The following CDH1 variants were observed in gnomAD, a reference collection of about 807,000 sequenced individuals.
CDH1 encodes cadherin-1.
Under a neutral mutation model 84.5 loss-of-function variants are expected in CDH1, and 35 were observed. That is an observed-to-expected ratio of 0.41 (90% CI 0.32 to 0.55). CDH1 has a LOEUF of 0.55. CDH1 is among the 20% of genes least tolerant of loss of function. The pLI is 0.19. For synonymous variants in CDH1, 417 were observed against 439.0 expected (o/e 0.95, Z 0.63); for missense variants, 994 against 1,126.6 (o/e 0.88, Z 1.68).
intron 2 of CDH1, among the ~76,000 whole-genome samples, chr16:68,752,703 A>G (rs1389399353): frequency 6.6e-6 from 1 of 152,038 alleles, no homozygotes; most frequent in Non-Finnish European, 1.5e-5. Flanking sequence ...TGAGCTCTGC[A>G]CACCCCTGAT....
At chr16:68,771,886 A>G (rs1959589849) in intron 2 of CDH1, among the ~76,000 whole-genome samples, 1 of 151,990 alleles carries the variant, frequency 6.6e-6, no homozygotes, top group African/African-American at 2.4e-5. Context: ...TAGCCCATTG[A>G]GCTTTTATTC....
chr16:68,823,243 A>C, intron 12 of CDH1, 156 bp from the exon 13 acceptor site: 4 of 608,456 alleles, frequency 6.6e-6, no homozygotes, highest in Non-Finnish European at 1.1e-5. Context: ...ACAGCAAAAA[A>C]AAAAAAAAAA....
At chr16:68,742,310 C>T (rs1447817316) in intron 2 of CDH1, among the ~76,000 whole-genome samples, 1 of 149,852 alleles carries the variant, frequency 6.7e-6, no homozygotes. Context: ...GACGGAGTCT[C>T]GCTCTGTTGC....
chr16:68,785,278 G>T (rs1335176284), intron 2 of CDH1, among the ~76,000 whole-genome samples: 1 of 151,928 alleles, frequency 6.6e-6, no homozygotes, highest in Non-Finnish European at 1.5e-5. Context: ...TGCAACCTCT[G>T]CCTCCCAGAA....
chr16:68,824,090 C>T lies in CDH1; in HGVS notation c.2164+464C>T, dbSNP rs550109993. ...TCAGCTCACTGCACCCTCTGCTTAA[C>T]AGGTTCAAGCGATTCTCCCGCCTCA... On this transcript the variant is annotated intron_variant, in intron 13 of 15. Coordinates refer to ENST00000261769, the MANE Select transcript of CDH1 (RefSeq NM_004360.5). Among the ~76,000 whole-genome samples the T allele has an allele frequency of 2.8e-5, 4 of 145,326 alleles. No individual in the cohort carries two copies. In the South Asian group the frequency reaches 8.8e-4, roughly 32 times the overall value.
rs1377469978 is a variant in CDH1 at position 68,833,733 on chromosome 16, T to C, written c.*234T>C. ...CTTTTTTTTTTTTCCCATCACTCTT[T>C]ACATGGTGGTGATGTCCAAAAGATA... On this transcript the variant is annotated 3_prime_UTR_variant, in exon 16 of 16. Coordinates refer to ENST00000261769, the MANE Select transcript of CDH1 (RefSeq NM_004360.5). 1 of 541,152 alleles carries C rather than the reference T, an allele frequency of 1.8e-6. No individual in the cohort carries two copies. The allele number at this position is 541,152 out of a possible 1,614,324, so 33.5% of individuals were successfully genotyped here. A position where few individuals can be genotyped will look rare whatever the true frequency, so the allele number is the denominator to read the frequency against.
rs758733846 is a variant in CDH1, at chr16:68,801,856, A to T, written c.350A>T (p.Asn117Ile). The T allele has an allele frequency of 6.2e-7, 1 of 1,614,182 alleles. No individual in the cohort carries two copies. Reference sequence around the variant, plus strand: ...AAGTTTTCCACCAAAGTCACGCTGAATACAGTGGGGCACCACCACCGCCCC... The same window carrying T: ...AAGTTTTCCACCAAAGTCACGCTGATTACAGTGGGGCACCACCACCGCCCC... ...YRKFSTKVTLNTVGHHHRPPP... is the reference protein window; with the variant it reads ...YRKFSTKVTLITVGHHHRPPP... The change falls in exon 3 of 16, where the codon AAT (asparagine) becomes ATT (isoleucine). Residue 117 changes from asparagine to isoleucine, a missense_variant. Physicochemically the swap from Asn to Ile is moderately radical, Grantham distance 149 (BLOSUM62 -3). Around this residue, in one of 3 missense-constraint regions of CDH1, gnomAD observed 203 missense variants for 194.0 expected, o/e 1.05. Coordinates refer to ENST00000261769, the MANE Select transcript of CDH1 (RefSeq NM_004360.5).
At chr16:68,815,404 T>G in intron 9 of CDH1, 111 bp from the exon 10 acceptor site, 2 of 1,420,440 alleles carry the variant, frequency 1.4e-6, no homozygotes, top group Non-Finnish European at 1.9e-6. Flanking sequence ...CCACAGTTAC[T>G]TTTGCACCAA....
chr16:68,750,150 C>CTTTTTTT lies in CDH1; in HGVS notation c.163+11743_163+11749dup, dbSNP rs34551002. ...TTTTGATTGTGATGCTAGAATTCAG[C>CTTTTTTT]TTTTTTTTTTGCCTTTGGAAGGCCT... On this transcript the variant is annotated intron_variant, in intron 2 of 15. Transcript: ENST00000261769. 2.5e-5 allele frequency among the ~76,000 whole-genome samples: 2 copies of CTTTTTTT among 79,096 alleles called. 1 individual carries two copies. Among genetic ancestry groups the CTTTTTTT allele is most frequent in the Non-Finnish European group, 5.2e-5 (2 of 38,558 alleles). The allele number at this position is 79,096 out of a possible 152,430, so 51.9% of individuals were successfully genotyped here. A position where few individuals can be genotyped will look rare whatever the true frequency, so the allele number is the denominator to read the frequency against.
intron 11 of CDH1, 69 bp downstream of exon 11, chr16:68,819,494 T>C: frequency 1.4e-6 from 2 of 1,445,854 alleles, no homozygotes; most frequent in Non-Finnish European, 1.9e-6. Context: ...GCCCCTCCCT[T>C]CTTTTGGAGG....
At chr16:68,756,732 C>T (rs560500085) in intron 2 of CDH1, among the ~76,000 whole-genome samples, 4 of 152,238 alleles carry the variant, frequency 2.6e-5, no homozygotes, top group Admixed American at 2.0e-4. Context: ...AGGCCGGGTG[C>T]GGTAGCTCAT....
intron 2 of CDH1, among the ~76,000 whole-genome samples, chr16:68,786,922 G>A (rs1404938235): frequency 6.6e-6 from 1 of 152,126 alleles, no homozygotes; most frequent in Non-Finnish European, 1.5e-5. Flanking sequence ...CAGAGGGTCC[G>A]AGCCTTTCCA....
chr16:68,768,176 C>G (rs1251998509), intron 2 of CDH1, among the ~76,000 whole-genome samples: 1 of 152,136 alleles, frequency 6.6e-6, no homozygotes, highest in Admixed American at 6.6e-5. Flanking sequence ...GAAGTCCTGA[C>G]CTCAGGTGAT....
At chr16:68,792,307 G>A (rs898647510) in intron 2 of CDH1, among the ~76,000 whole-genome samples, 2 of 150,130 alleles carry the variant, frequency 1.3e-5, no homozygotes, top group Non-Finnish European at 2.9e-5. Flanking sequence ...TTGACTCACT[G>A]CAACCTCCGC....
chr16:68,829,599 T>G, intron 14 of CDH1, 55 bp from the exon 15 acceptor site: 6 of 1,546,538 alleles, frequency 3.9e-6, no homozygotes, highest in Non-Finnish European at 5.3e-6. Context: ...TAGCCCTGTG[T>G]GTATGACTAT....
At chr16:68,740,267 C>G (rs1962528518) in intron 2 of CDH1, among the ~76,000 whole-genome samples, 1 of 152,110 alleles carries the variant, frequency 6.6e-6, no homozygotes, top group African/African-American at 2.4e-5. Context: ...AGCAATCACG[C>G]TGTTGTCTTT....
At chr16:68,745,564 G>GTA (rs1380951369) in intron 2 of CDH1, among the ~76,000 whole-genome samples, 24 of 112,542 alleles carry the variant, frequency 2.1e-4, no homozygotes, top group South Asian at 5.7e-4. Flanking sequence ...ATATATATAT[G>GTA]TATATATATA....
chr16:68,800,776 T>C (rs891937744), intron 2 of CDH1, among the ~76,000 whole-genome samples: 1 of 152,226 alleles, frequency 6.6e-6, no homozygotes, highest in African/African-American at 2.4e-5. Context: ...GCCCTCACCA[T>C]GCAATAGATG....
At chr16:68,816,784 T>G (rs1028641450) in intron 10 of CDH1, among the ~76,000 whole-genome samples, 1 of 152,162 alleles carries the variant, frequency 6.6e-6, no homozygotes, top group Admixed American at 6.6e-5. Flanking sequence ...ATTTTCTATG[T>G]GTAGCCAATG....
Sources: allele counts gnomAD v4.1 joint callset (sites outside exome capture counted in the v4.1 genomes callset), GRCh38; gene constraint gnomAD v4.1.1; regional missense constraint gnomAD v4.1.1; transcripts MANE v1.5; gene names NCBI Gene and HGNC (gene_info 2026-07-23, HGNC 2026-07-21).